ZNF215: variants seen among roughly 807,000 people sequenced by gnomAD.
The protein encoded by ZNF215 is BWSCR2-associated zinc finger protein 2.
A neutral mutation model predicts 27.2 loss-of-function variants in ZNF215; 24 were observed. The ratio of observed to expected loss-of-function variants is 0.88; its 90% CI spans 0.64 to 1.24. The LOEUF is 1.24. Among genes scored for constraint, ZNF215 ranks in the 50% most tolerant of loss-of-function variants. The pLI, the probability that ZNF215 is intolerant of heterozygous loss-of-function variation, is 0.00. For missense variants in ZNF215, 675 were observed against 605.7 expected, an observed-to-expected ratio of 1.11 and a Z score of -1.20; for synonymous variants, 210 against 204.0, an observed-to-expected ratio of 1.03 and a Z score of -0.25.
chr11:6,957,576 G>A lies in ZNF215; in HGVS notation c.*1045G>A, dbSNP rs115656666. Reference sequence around the variant, plus strand: ...TATTTTAATGTCTGATATTGGAAGCGTTTGGGGTCTTTAGAAGTTTGATGA... The same window carrying A: ...TATTTTAATGTCTGATATTGGAAGCATTTGGGGTCTTTAGAAGTTTGATGA... On this transcript the variant is annotated 3_prime_UTR_variant, in exon 7 of 7. Coordinates refer to ENST00000278319, the MANE Select transcript of ZNF215 (RefSeq NM_013250.4). 8.5e-3 allele frequency: 1,570 copies of A among 184,288 alleles called. 29 individuals carry two copies. The highest frequency in any genetic ancestry group is 0.036 in the African/African-American group (1,499 of 42,080). The allele number at this position is 184,288 out of a possible 1,614,324, so 11.4% of individuals were successfully genotyped here. A position where few individuals can be genotyped will look rare whatever the true frequency, so the allele number is the denominator to read the frequency against.
intron 3 of ZNF215, among the ~76,000 whole-genome samples, chr11:6,939,388 A>G (rs1849556131): frequency 6.6e-6 from 1 of 152,214 alleles, no homozygotes; most frequent in African/African-American, 2.4e-5. Flanking sequence ...GTATTTGTGT[A>G]TCTCGCACAT....
intron 2 of ZNF215, among the ~76,000 whole-genome samples, chr11:6,928,114 C>T (rs575141304): frequency 5.0e-4 from 76 of 152,132 alleles, no homozygotes; most frequent in African/African-American, 1.7e-3. Context: ...TCTGGTTTTG[C>T]ATTCTAGTAA....
intron 5 of ZNF215, among the ~76,000 whole-genome samples, chr11:6,975,442 G>A (rs549234418): frequency 6.6e-6 from 1 of 151,836 alleles, no homozygotes; most frequent in East Asian, 1.9e-4. Context: ...CAGTCCCATT[G>A]TGCTATCCAA....
At chr11:6,934,323 T>G (rs1363685650) in intron 3 of ZNF215, among the ~76,000 whole-genome samples, 1 of 152,154 alleles carries the variant, frequency 6.6e-6, no homozygotes, top group Admixed American at 6.5e-5. Flanking sequence ...AGGAGGAATT[T>G]TGAGGTTTAG....
At chr11:6,975,021 C>T (rs889685191) in intron 5 of ZNF215, among the ~76,000 whole-genome samples, 1 of 152,128 alleles carries the variant, frequency 6.6e-6, no homozygotes, top group African/African-American at 2.4e-5. Context: ...ATTTTATTGG[C>T]TGTGGGTTTG....
At chr11:6,948,741 A>G (rs1849922727) in intron 6 of ZNF215, among the ~76,000 whole-genome samples, 1 of 151,906 alleles carries the variant, frequency 6.6e-6, no homozygotes, top group Non-Finnish European at 1.5e-5. Flanking sequence ...GTGAAATTTA[A>G]TTTTTTTATT....
At chr11:6,945,094 T>C (rs1031510813) in intron 6 of ZNF215, among the ~76,000 whole-genome samples, 2 of 152,222 alleles carry the variant, frequency 1.3e-5, no homozygotes. Context: ...AGAAAGGTTA[T>C]ACCAATTCAT....
downstream of ZNF215, among the ~76,000 whole-genome samples, chr11:6,993,556 A>C (rs1000904079): frequency 6.6e-6 from 1 of 152,056 alleles, no homozygotes; most frequent in Non-Finnish European, 1.5e-5. Flanking sequence ...GATCCTACTA[A>C]CATAGTTTCT....
At chr11:6,981,080 G>A (rs1850941486) in intron 5 of ZNF215, among the ~76,000 whole-genome samples, 1 of 151,708 alleles carries the variant, frequency 6.6e-6, no homozygotes, top group Middle Eastern at 3.2e-3. Flanking sequence ...ACATGTGCAT[G>A]TGTCTTTATA....
At chr11:6,949,467 T>A (rs376564718) in intron 6 of ZNF215, among the ~76,000 whole-genome samples, 2 of 152,206 alleles carry the variant, frequency 1.3e-5, no homozygotes, top group African/African-American at 4.8e-5. Flanking sequence ...GGTATCTCAT[T>A]GTGGTTTTGA....
chr11:6,962,789 C>T (rs528271324), downstream of ZNF215, among the ~76,000 whole-genome samples: 1 of 152,022 alleles, frequency 6.6e-6, no homozygotes, highest in South Asian at 2.1e-4. Context: ...TGTAACAAGC[C>T]CTCTAATTCT....
intron 3 of ZNF215, among the ~76,000 whole-genome samples, chr11:6,940,170 T>C (rs1849587013): frequency 6.6e-6 from 1 of 151,468 alleles, no homozygotes; most frequent in African/African-American, 2.4e-5. Context: ...GAGTTTGAGA[T>C]TGTAGTGAGG....
At chr11:6,981,835 A>C (rs1196857631) in intron 5 of ZNF215, among the ~76,000 whole-genome samples, 2 of 152,030 alleles carry the variant, frequency 1.3e-5, no homozygotes, top group East Asian at 3.9e-4. Flanking sequence ...ATGGCTAGCC[A>C]GTTTTCCCAG....
At chr11:6,955,453 G>A (rs964138369) in intron 6 of ZNF215, among the ~76,000 whole-genome samples, 4 of 152,068 alleles carry the variant, frequency 2.6e-5, no homozygotes, top group Admixed American at 6.5e-5. Flanking sequence ...TATTTTACTC[G>A]AGCCCTATAC....
At chr11:6,964,480 CCAG>C (rs1220444602) in intron 5 of ZNF215, among the ~76,000 whole-genome samples, 4 of 151,934 alleles carry the variant, frequency 2.6e-5, no homozygotes, top group Non-Finnish European at 5.9e-5. Flanking sequence ...TTATGGATAT[CCAG>C]CAGTTTCTGT....
intron 2 of ZNF215, among the ~76,000 whole-genome samples, chr11:6,928,305 CTT>C (rs1009935312): frequency 2.0e-5 from 3 of 152,012 alleles, no homozygotes; most frequent in African/African-American, 7.3e-5. Flanking sequence ...ACTTTTTTGA[CTT>C]TATCTGTCAG....
intron 6 of ZNF215, among the ~76,000 whole-genome samples, chr11:6,952,151 C>G (rs1469963709): frequency 6.6e-6 from 1 of 152,078 alleles, no homozygotes; most frequent in Admixed American, 6.6e-5. Flanking sequence ...GCTTTACTTC[C>G]AAGTATGTGG....
At chr11:6,990,113 A>G (rs2515951), downstream of ZNF215, among the ~76,000 whole-genome samples, 89,705 of 152,000 alleles carry the variant, frequency 0.59, 26,559 homozygotes, top group East Asian at 0.69. Flanking sequence ...ACAGATTTGA[A>G]CCTTTCCTCC....
chr11:6,938,018 CT>C (rs1849498674), intron 3 of ZNF215, among the ~76,000 whole-genome samples: 1 of 151,894 alleles, frequency 6.6e-6, no homozygotes, highest in Non-Finnish European at 1.5e-5. Flanking sequence ...AAAATTAACA[CT>C]TTTGTGCATC....
Sources: gnomAD v4.1 joint callset for allele counts (sites outside exome capture counted in the v4.1 genomes callset) on GRCh38, gnomAD v4.1.1 for gene constraint, MANE v1.5 for transcripts, NCBI Gene and HGNC (gene_info 2026-07-23, HGNC 2026-07-21) for gene names.